Variants in DCC observed in about 807,000 individuals in gnomAD.
DCC encodes DCC netrin 1 receptor, also known as netrin receptor DCC.
A neutral mutation model predicts 172.5 loss-of-function variants in DCC; 58 were observed. That is an observed-to-expected ratio of 0.34 (90% CI 0.27 to 0.42). The LOEUF is 0.42. Ranked by LOEUF, DCC falls within the 10% of genes least tolerant of loss-of-function variation. DCC has a pLI of 1.00. For synonymous variants in DCC, 709 were observed against 644.5 expected (o/e 1.10, Z -1.52); for missense variants, 1,740 against 1,791.0 (o/e 0.97, Z 0.51).
At chr18:52,448,743 C>G (rs1988208376) in intron 1 of DCC, among the ~76,000 whole-genome samples, 2 of 152,086 alleles carry the variant, frequency 1.3e-5, no homozygotes, top group African/African-American at 4.8e-5. Flanking sequence ...TAGTGGAGAC[C>G]CAGGTCATTC....
In DCC at chr18:53,054,207, A is replaced by G. The variant is rs920500784; in HGVS notation, c.986-9098A>G. Among the ~76,000 whole-genome samples, 4 of 152,000 alleles carry G rather than the reference A, an allele frequency of 2.6e-5. No homozygotes were observed. In the East Asian group the frequency reaches 5.8e-4, roughly 22 times the overall value. ...GCTGCATTTACATATTTTATTTTTT[A>G]TAGTTGTATTGTTATTTTTTTATCT... On this transcript the variant is annotated intron_variant, in intron 5 of 28. Transcript: ENST00000442544.
intron 1 of DCC, chr18:52,409,216 G>A (rs970327135): frequency 1.3e-5 from 2 of 152,074 alleles, no homozygotes; most frequent in Non-Finnish European, 2.9e-5. Context: ...ATATCACTAC[G>A]TAAGAGCAAA....
intron 12 of DCC, among the ~76,000 whole-genome samples, chr18:53,275,736 G>A (rs963599213): frequency 1.3e-5 from 2 of 152,070 alleles, no homozygotes; most frequent in Non-Finnish European, 2.9e-5. Context: ...ATTCAGGTAG[G>A]TCTGGTTTTT....
chr18:52,741,764 C>T (rs78320713), intron 1 of DCC, among the ~76,000 whole-genome samples: 1,993 of 152,200 alleles, frequency 0.013, 32 homozygotes, highest in African/African-American at 0.045. Flanking sequence ...CCAGCTATTC[C>T]TGGGGTGGGC....
At position 52,752,190 on chromosome 18, in the gene DCC, A is replaced by C. The variant is rs1568081800; in HGVS notation, c.228A>C (p.Lys76Asn). The C allele has an allele frequency of 6.2e-7, 1 of 1,614,184 alleles. No individual in the cohort carries two copies. The highest frequency in any genetic ancestry group is 2.2e-5 in the East Asian group (1 of 44,862). ...DRGVPVIKWKKDGIHLALGMD... is the reference protein window; with the variant it reads ...DRGVPVIKWKNDGIHLALGMD... ...GAGTTCCAGTGATCAAGTGGAAGAA[A>C]GATGGCATTCATCTGGCCTTGGGAA... The change falls in exon 2 of 29, where the codon AAA (lysine) becomes AAC (asparagine). Residue 76 changes from lysine to asparagine, a missense_variant. Lys to Asn is a moderately conservative substitution (Grantham distance 94). Transcript: ENST00000442544.
intron 1 of DCC, among the ~76,000 whole-genome samples, chr18:52,443,732 ATAT>A (rs1988039394): frequency 6.6e-6 from 1 of 152,244 alleles, no homozygotes; most frequent in South Asian, 2.1e-4. Flanking sequence ...AGTCAATGAA[ATAT>A]TATAAAATAT....
At chr18:53,136,977 C>T (rs182202246) in intron 7 of DCC, among the ~76,000 whole-genome samples, 14 of 152,234 alleles carry the variant, frequency 9.2e-5, no homozygotes, top group South Asian at 6.2e-4. Flanking sequence ...AAGGGCCATT[C>T]GGAAGACATT....
chr18:52,359,818 T>A (rs1984540088), intron 1 of DCC, among the ~76,000 whole-genome samples: 1 of 152,192 alleles, frequency 6.6e-6, no homozygotes, highest in African/African-American at 2.4e-5. Context: ...TATGTTCCCA[T>A]ATTATTTTTT....
rs192289188 is a variant in DCC at position 52,866,877 on chromosome 18, C to G, written c.413-39167C>G. Among the ~76,000 whole-genome samples the G allele has an allele frequency of 4.6e-5, 7 of 152,154 alleles. No individual in the cohort carries two copies. In the East Asian group the frequency reaches 7.7e-4, roughly 17 times the overall value. Reference sequence around the variant, plus strand: ...CTATTTGAATACCCTTTATTTTTTTCTCTTGCCTGATTGCCCTGGCCAGCA... The same window carrying G: ...CTATTTGAATACCCTTTATTTTTTTGTCTTGCCTGATTGCCCTGGCCAGCA... On this transcript the variant is annotated intron_variant, in intron 2 of 28. Coordinates refer to ENST00000442544, the MANE Select transcript of DCC (RefSeq NM_005215.4).
chr18:52,682,716 T>C (rs1323332077), intron 1 of DCC, among the ~76,000 whole-genome samples: 1 of 138,424 alleles, frequency 7.2e-6, no homozygotes, highest in Admixed American at 7.5e-5. Context: ...GTGATAAATG[T>C]AGTGAAGAAA....
intron 13 of DCC, among the ~76,000 whole-genome samples, chr18:53,307,889 GTGTGTATGTATA>G (rs1431439451): frequency 3.4e-4 from 13 of 38,140 alleles, no homozygotes; most frequent in Admixed American, 8.1e-4. Flanking sequence ...AAAGCAATGT[GTGTGTATGTATA>G]TATATATATA....
At chr18:52,499,239 A>G (rs553946699) in intron 1 of DCC, among the ~76,000 whole-genome samples, 6 of 152,300 alleles carry the variant, frequency 3.9e-5, no homozygotes, top group Admixed American at 6.5e-5. Context: ...ACTGATAGCA[A>G]TGACGCAGCC....
intron 13 of DCC, among the ~76,000 whole-genome samples, chr18:53,318,553 C>T (rs2057370388): frequency 6.6e-6 from 1 of 152,076 alleles, no homozygotes; most frequent in Non-Finnish European, 1.5e-5. Context: ...TTTTCTGTCT[C>T]ATTGATCTGT....
rs148581446 is a variant in DCC at position 53,236,368 on chromosome 18, T to G, written c.1911+20771T>G. On this transcript the variant is annotated intron_variant, in intron 12 of 28. Coordinates refer to ENST00000442544, the MANE Select transcript of DCC (RefSeq NM_005215.4). ...TTCATATATTTGACCATTTGAAGAT[T>G]CTTTTTTGCACATTACTTTAGGTTG... is the stretch of plus-strand genomic sequence containing the variant. Among the ~76,000 whole-genome samples the G allele has an allele frequency of 6.1e-3, 932 of 152,254 alleles. 9 individuals are homozygous for G. The highest frequency in any genetic ancestry group is 0.022 in the African/African-American group (902 of 41,574).
At chr18:52,387,694 A>G (rs961598452) in intron 1 of DCC, among the ~76,000 whole-genome samples, 3 of 150,750 alleles carry the variant, frequency 2.0e-5, no homozygotes, top group African/African-American at 7.4e-5. Flanking sequence ...ATTTAAGAAG[A>G]AGAATGTGAT....
At chr18:52,953,407 C>T (rs1271998667) in intron 5 of DCC, among the ~76,000 whole-genome samples, 2 of 152,164 alleles carry the variant, frequency 1.3e-5, no homozygotes, top group Non-Finnish European at 2.9e-5. Context: ...CTCTGTGACC[C>T]AGTCCAAATT....
intron 7 of DCC, among the ~76,000 whole-genome samples, chr18:53,139,482 GTTGT>G (rs749457911): frequency 5.9e-5 from 9 of 152,278 alleles, no homozygotes; most frequent in South Asian, 2.1e-4. Context: ...CTGATTTCTA[GTTGT>G]TTGTTTGGTT....
chr18:53,450,079 T>G (rs2045388613), intron 22 of DCC, among the ~76,000 whole-genome samples: 2 of 151,876 alleles, frequency 1.3e-5, no homozygotes, highest in Non-Finnish European at 2.9e-5. Context: ...GTATTAGTGC[T>G]TCATTTCTTT....
chr18:53,515,994 C>G (rs959517500), intron 27 of DCC, among the ~76,000 whole-genome samples: 5 of 148,418 alleles, frequency 3.4e-5, no homozygotes, highest in African/African-American at 1.3e-4. Flanking sequence ...ATCACCGAGT[C>G]AATCCTAAGC....
Sources: gnomAD v4.1 joint callset for allele counts (sites outside exome capture counted in the v4.1 genomes callset) on GRCh38, gnomAD v4.1.1 for gene constraint, MANE v1.5 for transcripts, NCBI Gene and HGNC (gene_info 2026-07-23, HGNC 2026-07-21) for gene names.